The following KIF6 variants were observed in gnomAD, a reference collection of about 807,000 sequenced individuals.
KIF6 encodes the protein kinesin family member 6.
In KIF6, 106 loss-of-function variants were observed where a neutral mutation model predicts 112.7. The observed-to-expected ratio is 0.94, with a 90% confidence interval of 0.80 to 1.11. KIF6 has a LOEUF of 1.11. Ranked by LOEUF, KIF6 falls within the 50% of genes least tolerant of loss-of-function variation. The probability of loss-of-function intolerance (pLI) is 0.00; values close to 1 mark genes in which losing one functional copy is unlikely to be tolerated. For synonymous variants in KIF6, 339 were observed against 339.9 expected (o/e 1.00, Z 0.03); for missense variants, 929 against 964.0 (o/e 0.96, Z 0.48).
chr6:39,596,796 T>C (rs1293845208), intron 6 of KIF6, among the ~76,000 whole-genome samples: 2 of 152,136 alleles, frequency 1.3e-5, no homozygotes, highest in Non-Finnish European at 2.9e-5. Context: ...AATGTCACTA[T>C]GTACAAAAAA....
intron 10 of KIF6, among the ~76,000 whole-genome samples, chr6:39,574,963 T>C (rs1241039594): frequency 6.6e-6 from 1 of 152,218 alleles, no homozygotes; most frequent in Non-Finnish European, 1.5e-5. Context: ...ACTATATTTT[T>C]TCATTTCCAA....
chr6:39,354,962 G>A (rs973774106), intron 19 of KIF6, among the ~76,000 whole-genome samples: 1 of 152,198 alleles, frequency 6.6e-6, no homozygotes, highest in Non-Finnish European at 1.5e-5. Context: ...AGGATCACTT[G>A]AGCCAAGAAA....
chr6:39,394,586 G>A (rs2150329089), intron 15 of KIF6, among the ~76,000 whole-genome samples: 1 of 152,346 alleles, frequency 6.6e-6, no homozygotes, highest in Non-Finnish European at 1.5e-5. Flanking sequence ...AGGGGTGGGG[G>A]CACCTCTGAG....
At chr6:39,469,073 C>A (rs921281303) in intron 13 of KIF6, among the ~76,000 whole-genome samples, 30 of 151,944 alleles carry the variant, frequency 2.0e-4, no homozygotes, top group African/African-American at 4.8e-4. Flanking sequence ...ATAGGATTAA[C>A]CTATCTCACT....
intron 3 of KIF6, among the ~76,000 whole-genome samples, chr6:39,706,964 T>C (rs1239991949): frequency 6.6e-6 from 1 of 152,206 alleles, no homozygotes; most frequent in Non-Finnish European, 1.5e-5. Context: ...TACTGCTTTA[T>C]TTTGAAATAA....
intron 13 of KIF6, among the ~76,000 whole-genome samples, chr6:39,501,453 G>C (rs1334038136): frequency 6.6e-6 from 1 of 152,176 alleles, no homozygotes; most frequent in African/African-American, 2.4e-5. Context: ...TCTCCAGCAA[G>C]GGCTCAGAAC....
chr6:39,580,890 T>C lies in KIF6; in HGVS notation c.1078-2731A>G, dbSNP rs113065847. On this transcript the variant is annotated intron_variant, in intron 9 of 22. Transcript: ENST00000287152. ...ATTATCCTAAATTTTGTTTTAACTT[T>C]TCTCATTTTTTTCTTACAATATACA... Among the ~76,000 whole-genome samples the C allele has an allele frequency of 3.8e-3, 577 of 152,340 alleles. 5 individuals carry two copies. Among genetic ancestry groups the C allele is most frequent in the African/African-American group, 0.013 (548 of 41,588 alleles).
At position 39,365,094 on chromosome 6, in the gene KIF6, A is replaced by T. The variant is rs75781249; in HGVS notation, c.1862-2576T>A. On this transcript the variant is annotated intron_variant, in intron 16 of 22. Transcript: ENST00000287152. ...GAGGTCCTTATTCTGTCACGCCATT[A>T]TTCTTCCCCTTTGACTCCCTTACCC... Among the ~76,000 whole-genome samples, 5 of 152,188 alleles carry T rather than the reference A, an allele frequency of 3.3e-5. No homozygotes were observed. The East Asian group carries it at 9.6e-4, about 29-fold the overall frequency.
At chr6:39,528,803 T>A (rs1353881135) in intron 13 of KIF6, among the ~76,000 whole-genome samples, 1 of 152,244 alleles carries the variant, frequency 6.6e-6, no homozygotes. Flanking sequence ...GTTACTAAAG[T>A]GATCTATAGA....
chr6:39,572,407 G>A (rs1780690602), intron 10 of KIF6, among the ~76,000 whole-genome samples: 1 of 152,036 alleles, frequency 6.6e-6, no homozygotes, highest in South Asian at 2.1e-4. Context: ...CCCCACCAAA[G>A]CACCTATTAA....
At chr6:39,544,368 C>T in intron 12 of KIF6, 187 bp downstream of exon 12, 1 of 454,758 alleles carries the variant, frequency 2.2e-6, no homozygotes, top group Non-Finnish European at 3.7e-6. Flanking sequence ...ACATTTTTTT[C>T]TTTTATAGAA....
intron 3 of KIF6, among the ~76,000 whole-genome samples, chr6:39,677,526 T>TATTTATTG (rs1787224942): frequency 1.3e-5 from 2 of 151,066 alleles, no homozygotes; most frequent in African/African-American, 4.9e-5. Context: ...TTTATTTATT[T>TATTTATTG]ATTTATTTAT....
chr6:39,388,142 G>A (rs192192819), intron 15 of KIF6, among the ~76,000 whole-genome samples: 187 of 152,198 alleles, frequency 1.2e-3, no homozygotes, highest in African/African-American at 4.0e-3. Context: ...CTGACAATGC[G>A]CCTCCTGACA....
intron 2 of KIF6, among the ~76,000 whole-genome samples, chr6:39,720,465 T>A (rs1790144634): frequency 6.6e-6 from 1 of 151,762 alleles, no homozygotes; most frequent in African/African-American, 2.4e-5. Context: ...TAAACAGAGC[T>A]AGTAAAGAAA....
chr6:39,458,066 C>CA, intron 13 of KIF6, among the ~76,000 whole-genome samples: 1 of 151,648 alleles, frequency 6.6e-6, no homozygotes, highest in Admixed American at 6.6e-5. Context: ...GAGACACAAC[C>CA]AAAAAAGAGA....
At chr6:39,490,567 G>A (rs573775277) in intron 13 of KIF6, among the ~76,000 whole-genome samples, 2 of 152,220 alleles carry the variant, frequency 1.3e-5, no homozygotes, top group South Asian at 2.1e-4. Flanking sequence ...ATTCGGGAAG[G>A]GATTATCTAG....
At chr6:39,647,654 G>A (rs1019056906) in intron 3 of KIF6, among the ~76,000 whole-genome samples, 15 of 152,026 alleles carry the variant, frequency 9.9e-5, no homozygotes, top group Non-Finnish European at 1.8e-4. Flanking sequence ...AGTTCAGATG[G>A]GTGAAGGATT....
chr6:39,461,834 T>C (rs1773497181), intron 13 of KIF6, among the ~76,000 whole-genome samples: 1 of 152,234 alleles, frequency 6.6e-6, no homozygotes, highest in Non-Finnish European at 1.5e-5. Flanking sequence ...GAAGTGTTTA[T>C]GTGTAATACA....
intron 13 of KIF6, among the ~76,000 whole-genome samples, chr6:39,486,336 C>T (rs1001107550): frequency 6.6e-6 from 1 of 152,188 alleles, no homozygotes; most frequent in Non-Finnish European, 1.5e-5. Context: ...ACAGAGGGAA[C>T]CTGCAGGGCC....
Sources: allele counts gnomAD v4.1 joint callset (sites outside exome capture counted in the v4.1 genomes callset), GRCh38; gene constraint gnomAD v4.1.1; transcripts MANE v1.5; gene names NCBI Gene and HGNC (gene_info 2026-07-23, HGNC 2026-07-21).